Variants in ZBTB20 observed in about 807,000 individuals in gnomAD.
ZBTB20 encodes the protein zinc finger and BTB domain-containing protein 20.
ZBTB20 carries 9 observed loss-of-function variants against 56.9 expected under a neutral mutation model. That is an observed-to-expected ratio of 0.16 (90% CI 0.10 to 0.28). ZBTB20 has a LOEUF of 0.28. Among genes scored for constraint, ZBTB20 ranks in the 10% least tolerant of loss-of-function variants. The pLI is 1.00. For missense variants in ZBTB20, 655 were observed against 1,003.0 expected (o/e 0.65, Z 4.69); for synonymous variants, 417 against 420.7 (o/e 0.99, Z 0.11).
At chr3:114,912,987 TGGACACTTA>T (rs568196548) in intron 3 of ZBTB20, among the ~76,000 whole-genome samples, 187 of 152,240 alleles carry the variant, frequency 1.2e-3, no homozygotes, top group African/African-American at 4.4e-3. Context: ...CTTTTGTTAA[TGGACACTTA>T]GGTTGCTACC....
In ZBTB20 at chr3:114,864,291, T is replaced by C. The variant is rs937921074; in HGVS notation, c.-417+36013A>G. 1.1e-4 allele frequency among the ~76,000 whole-genome samples: 17 copies of C among 152,056 alleles called. 1 individual carries two copies. Among genetic ancestry groups the C allele is most frequent in the African/African-American group, 4.1e-4 (17 of 41,434 alleles). The stretch of plus-strand genomic sequence containing the variant: ...ATTGTCTCCATCAAATTCAATCCAA[T>C]AAAATTAAATGGAGTTAAATAAAGC... On this transcript the variant is annotated intron_variant, in intron 4 of 11. Coordinates refer to ENST00000675478, the MANE Select transcript of ZBTB20 (RefSeq NM_001348800.3).
At chr3:114,759,199 T>C (rs1251137158) in intron 5 of ZBTB20, 1 of 152,122 alleles carries the variant, frequency 6.6e-6, no homozygotes, top group Non-Finnish European at 1.5e-5. Flanking sequence ...TCAGGGTGAT[T>C]TGTTAGCTTT....
chr3:114,990,591 C>T (rs2078760572), intron 2 of ZBTB20, among the ~76,000 whole-genome samples: 2 of 152,110 alleles, frequency 1.3e-5, no homozygotes, highest in East Asian at 3.9e-4. Context: ...CTCTGCCAGG[C>T]TTTGGTATCA....
At chr3:115,023,265 A>G (rs1237793021) in intron 2 of ZBTB20, among the ~76,000 whole-genome samples, 1 of 150,966 alleles carries the variant, frequency 6.6e-6, no homozygotes, top group Non-Finnish European at 1.5e-5. Flanking sequence ...AAAAATGGAC[A>G]GTTTACTTTC....
At chr3:114,831,087 C>CTTTTTTTTTTTTTTT (rs57265260) in intron 4 of ZBTB20, among the ~76,000 whole-genome samples, 1 of 55,550 alleles carries the variant, frequency 1.8e-5, no homozygotes. Context: ...TTTCTTTCTT[C>CTTTTTTTTTTTTTTT]TTTTTTTTTT....
chr3:114,489,462 A>G (rs1425235796), intron 7 of ZBTB20, among the ~76,000 whole-genome samples: 1 of 152,170 alleles, frequency 6.6e-6, no homozygotes, highest in Non-Finnish European at 1.5e-5. Context: ...ATGTGATATT[A>G]TTCAGATGTT....
chr3:114,981,801 T>C (rs1280590526), intron 2 of ZBTB20, among the ~76,000 whole-genome samples: 2 of 152,034 alleles, frequency 1.3e-5, no homozygotes, highest in African/African-American at 4.8e-5. Context: ...AGAGTTCGGA[T>C]TCCTACAGAC....
chr3:114,981,656 T>C (rs1385973304), intron 2 of ZBTB20, among the ~76,000 whole-genome samples: 4 of 152,024 alleles, frequency 2.6e-5, no homozygotes, highest in Non-Finnish European at 5.9e-5. Flanking sequence ...ACAAAAACTC[T>C]AGGAGGTAGG....
At chr3:114,845,353 A>G (rs556160115) in intron 4 of ZBTB20, among the ~76,000 whole-genome samples, 111 of 147,986 alleles carry the variant, frequency 7.5e-4, no homozygotes, top group African/African-American at 2.7e-3. Context: ...CTGATCTAGT[A>G]TGAAGTTTGA....
At chr3:114,940,931 A>T (rs931694507) in intron 3 of ZBTB20, among the ~76,000 whole-genome samples, 3 of 146,230 alleles carry the variant, frequency 2.1e-5, no homozygotes, top group Admixed American at 2.0e-4. Context: ...TGAATTTATA[A>T]CTCATTGTTA....
intron 4 of ZBTB20, among the ~76,000 whole-genome samples, chr3:114,824,118 C>G (rs2073396862): frequency 6.6e-6 from 1 of 151,878 alleles, no homozygotes; most frequent in African/African-American, 2.4e-5. Context: ...GCATTATTTT[C>G]AATAAGTTTT....
chr3:114,766,376 T>C (rs1219337957), intron 5 of ZBTB20, among the ~76,000 whole-genome samples: 4 of 152,024 alleles, frequency 2.6e-5, no homozygotes, highest in Non-Finnish European at 5.9e-5. Context: ...GTTGAAAACA[T>C]CTAGTGCAAG....
chr3:114,554,552 A>G (rs924600176), intron 6 of ZBTB20, among the ~76,000 whole-genome samples: 2 of 152,202 alleles, frequency 1.3e-5, no homozygotes, highest in African/African-American at 2.4e-5. Flanking sequence ...TCTGATGAAG[A>G]AAAAGGAAGA....
chr3:114,803,276 C>A (rs2071855430), intron 4 of ZBTB20, among the ~76,000 whole-genome samples: 1 of 151,482 alleles, frequency 6.6e-6, no homozygotes, highest in South Asian at 2.1e-4. Context: ...GAAAACAGAG[C>A]AATTGAAAAA....
At chr3:114,984,765 C>T (rs1426967625) in intron 2 of ZBTB20, among the ~76,000 whole-genome samples, 2 of 151,962 alleles carry the variant, frequency 1.3e-5, no homozygotes, top group Admixed American at 1.3e-4. Flanking sequence ...CCTAAGAAAA[C>T]AAACAAGGAG....
chr3:114,924,115 T>C (rs2076062069), intron 3 of ZBTB20, among the ~76,000 whole-genome samples: 1 of 152,146 alleles, frequency 6.6e-6, no homozygotes, highest in African/African-American at 2.4e-5. Flanking sequence ...GGAATGTAAA[T>C]TGGTATAGCC....
intron 6 of ZBTB20, among the ~76,000 whole-genome samples, chr3:114,554,933 T>A (rs901153849): frequency 4.6e-5 from 7 of 152,214 alleles, no homozygotes; most frequent in African/African-American, 1.4e-4. Flanking sequence ...TGCCTCATAG[T>A]TTATGTTGAA....
intron 6 of ZBTB20, among the ~76,000 whole-genome samples, chr3:114,651,038 G>C (rs1245535659): frequency 1.3e-5 from 2 of 152,018 alleles, no homozygotes; most frequent in African/African-American, 2.4e-5. Flanking sequence ...TACTTCAAAA[G>C]CATACCACAT....
At chr3:114,748,148 A>C (rs2067207242) in intron 5 of ZBTB20, among the ~76,000 whole-genome samples, 1 of 152,150 alleles carries the variant, frequency 6.6e-6, no homozygotes, top group South Asian at 2.1e-4. Flanking sequence ...AAGGGTGAAC[A>C]TGGGAGATAC....
Sources: allele counts gnomAD v4.1 joint callset (sites outside exome capture counted in the v4.1 genomes callset), GRCh38; gene constraint gnomAD v4.1.1; transcripts MANE v1.5; gene names NCBI Gene and HGNC (gene_info 2026-07-23, HGNC 2026-07-21).